TBC1D25: variants seen among roughly 807,000 people sequenced by gnomAD.
TBC1D25 encodes the protein 5SN3 snoRNA.
A neutral mutation model predicts 38.8 loss-of-function variants in TBC1D25; 13 were observed. That is an observed-to-expected ratio of 0.34 (90% CI 0.22 to 0.53). The LOEUF is 0.53. Among genes scored for constraint, TBC1D25 ranks in the 20% least tolerant of loss-of-function variants. The pLI is 0.94. For missense variants in TBC1D25, 372 were observed against 600.0 expected, an observed-to-expected ratio of 0.62 and a Z score of 3.97; for synonymous variants, 225 against 255.6, an observed-to-expected ratio of 0.88 and a Z score of 1.14.
At chrX:48,543,714 C>T (rs1250263899) in intron 2 of TBC1D25, among the ~76,000 whole-genome samples, 13 of 106,767 alleles carry the variant, frequency 1.2e-4, no homozygotes, top group Non-Finnish European at 2.3e-4. Context: ...GAAACTCCGT[C>T]TCTACTAAAA....
intron 3 of TBC1D25, among the ~76,000 whole-genome samples, chrX:48,549,418 C>T (rs2061911821): frequency 8.9e-6 from 1 of 112,897 alleles, no homozygotes; most frequent in Non-Finnish European, 1.9e-5. Flanking sequence ...CGGGATGGAT[C>T]TGTTTTGTCC....
intron 3 of TBC1D25, among the ~76,000 whole-genome samples, chrX:48,548,340 T>C (rs1311105667): frequency 1.1e-4 from 12 of 110,523 alleles, no homozygotes; most frequent in Non-Finnish European, 1.7e-4. Flanking sequence ...GGTCTTGAAC[T>C]CCTGGACTCA....
chrX:48,541,234 C>G, intron 1 of TBC1D25, 99 bp from the exon 2 acceptor site: 2 of 718,897 alleles, frequency 2.8e-6, no homozygotes, highest in South Asian at 4.3e-5. Context: ...TGATCTGGCC[C>G]CTGGCACCTC....
intron 2 of TBC1D25, among the ~76,000 whole-genome samples, chrX:48,543,894 A>AC (rs1466207437): frequency 2.7e-5 from 3 of 110,037 alleles, no homozygotes; most frequent in Admixed American, 9.7e-5. Flanking sequence ...AAAAAAAAAA[A>AC]AAAACGAATT....
rs2062016449 is a variant in TBC1D25, at chrX:48,560,587, C to T, written c.1679C>T (p.Pro560Leu). The T allele has an allele frequency of 8.3e-7, 1 of 1,205,892 alleles. No homozygotes were observed. Among genetic ancestry groups the T allele is most frequent in the Admixed American group, 2.2e-5 (1 of 45,396 alleles). ...TCCTCCTTTTCCCACCCTGATTCCC[C>T]ATCTTCCTCATCTCCACCATCCACC... ...LLSSFSHPDS[P>L]SSSSPPSTQE... is the part of the protein sequence containing the mutation. The change falls in exon 6 of 6, where the codon CCA becomes CTA. Residue 560 changes from proline (P) to leucine (L), a missense_variant. Pro to Leu is a moderately conservative substitution (Grantham distance 98). Coordinates refer to ENST00000376771, the MANE Select transcript of TBC1D25 (RefSeq NM_002536.4).
intron 3 of TBC1D25, among the ~76,000 whole-genome samples, chrX:48,552,394 G>A (rs1485812288): frequency 1.0e-5 from 1 of 97,125 alleles, no homozygotes; most frequent in Non-Finnish European, 2.0e-5. Context: ...TCGCTCTGTC[G>A]CCCAGACTGG....
At chrX:48,550,661 C>CT (rs781811688) in intron 3 of TBC1D25, among the ~76,000 whole-genome samples, 95 of 74,028 alleles carry the variant, frequency 1.3e-3, no homozygotes, top group Non-Finnish European at 1.5e-3. Context: ...TTTGTCTTAA[C>CT]TTTTTTTTTT....
chrX:48,539,972 G>C (rs1556979799), intron 1 of TBC1D25, 52 bp downstream of exon 1: 1 of 943,462 alleles, frequency 1.1e-6, no homozygotes, highest in Non-Finnish European at 1.3e-6. Flanking sequence ...AGGGGAGGGG[G>C]AGGCGGTGGC....
chrX:48,555,551 G>T (rs1331489536), intron 3 of TBC1D25, among the ~76,000 whole-genome samples: 1 of 112,138 alleles, frequency 8.9e-6, no homozygotes, highest in Non-Finnish European at 1.9e-5. Context: ...CCACACTTGT[G>T]GGTATTTCTC....
At chrX:48,553,621 T>TC (rs1372134529) in intron 3 of TBC1D25, among the ~76,000 whole-genome samples, 4 of 93,795 alleles carry the variant, frequency 4.3e-5, no homozygotes, top group East Asian at 3.4e-4. Flanking sequence ...TTTTTCTTTT[T>TC]TTTTTTTTTT....
chrX:48,543,346 C>A (rs1602101122), intron 2 of TBC1D25, among the ~76,000 whole-genome samples: 1 of 108,970 alleles, frequency 9.2e-6, no homozygotes, highest in Non-Finnish European at 1.9e-5. Context: ...AAGCAATTCT[C>A]CTGCCTCGGC....
chrX:48,541,549 C>T, intron 2 of TBC1D25, 107 bp downstream of exon 2: 1 of 779,204 alleles, frequency 1.3e-6, no homozygotes, highest in South Asian at 2.1e-5. Flanking sequence ...TACAAATAAT[C>T]CCACAGTGAA....
chrX:48,553,540 C>A (rs1327529542), intron 3 of TBC1D25, among the ~76,000 whole-genome samples: 4 of 106,580 alleles, frequency 3.8e-5, no homozygotes, highest in Non-Finnish European at 5.8e-5. Context: ...AAGCAGAAGT[C>A]TGTTGCTTGT....
chrX:48,556,345 C>T (rs1306979146), intron 3 of TBC1D25, among the ~76,000 whole-genome samples: 1 of 111,766 alleles, frequency 8.9e-6, no homozygotes, highest in African/African-American at 3.2e-5. Context: ...TCCATTAAAC[C>T]TTGATTCAAT....
chrX:48,542,512 G>A (rs1166844597), intron 2 of TBC1D25, among the ~76,000 whole-genome samples: 3 of 96,923 alleles, frequency 3.1e-5, no homozygotes, highest in Non-Finnish European at 6.1e-5. Context: ...TTTGGAGACA[G>A]AGTCTCACTC....
chrX:48,550,888 T>A (rs1164399113), intron 3 of TBC1D25, among the ~76,000 whole-genome samples: 2 of 110,637 alleles, frequency 1.8e-5, no homozygotes, highest in Admixed American at 1.9e-4. Context: ...CTCGATCTCC[T>A]GACCTCGTGA....
chrX:48,542,115 C>T (rs1252972460), intron 2 of TBC1D25, among the ~76,000 whole-genome samples: 2 of 103,782 alleles, frequency 1.9e-5, no homozygotes, highest in African/African-American at 7.1e-5. Context: ...TCTCCTGTCA[C>T]AGCCTCCCAA....
chrX:48,546,225 AAAAAG>A (rs1337197301), intron 3 of TBC1D25, among the ~76,000 whole-genome samples: 1 of 101,012 alleles, frequency 9.9e-6, no homozygotes, highest in Non-Finnish European at 2.0e-5. Flanking sequence ...AAAAAAAAAA[AAAAAG>A]AGGCTGAGCA....
Position 48,546,819 on chromosome X carries a change from T to G in TBC1D25, c.388+1796T>G, listed in dbSNP as rs782694292. Among the ~76,000 whole-genome samples the G allele has an allele frequency of 8.0e-5, 9 of 112,300 alleles. 1 individual carries two copies. The South Asian group carries it at 2.9e-3, about 36-fold the overall frequency. On this transcript the variant is annotated intron_variant, in intron 3 of 5. Coordinates refer to ENST00000376771, the MANE Select transcript of TBC1D25 (RefSeq NM_002536.4). ...GTGTTTATATACAGAGAGAGTGAGA[T>G]AAAGCAAATGTGGCCCAAAAAAATG...
Sources: allele counts gnomAD v4.1 joint callset (sites outside exome capture counted in the v4.1 genomes callset), GRCh38; gene constraint gnomAD v4.1.1; transcripts MANE v1.5; gene names NCBI Gene and HGNC (gene_info 2026-07-23, HGNC 2026-07-21).